Variants in NAV1 observed in about 807,000 individuals in gnomAD.
NAV1 encodes neuron navigator 1.
In NAV1, 18 loss-of-function variants were observed where a neutral mutation model predicts 175.2. The ratio of observed to expected loss-of-function variants is 0.10; its 90% CI spans 0.07 to 0.15. NAV1 has a LOEUF of 0.15. Among genes scored for constraint, NAV1 ranks in the 10% least tolerant of loss-of-function variants. The pLI is 1.00. For missense variants in NAV1, 1,731 were observed against 2,436.6 expected (o/e 0.71, Z 6.10); for synonymous variants, 897 against 978.7 (o/e 0.92, Z 1.56).
intron 2 of NAV1, among the ~76,000 whole-genome samples, chr1:201,591,794 A>AGAAAGC (rs1200031175): frequency 6.6e-6 from 1 of 152,112 alleles, no homozygotes; most frequent in Non-Finnish European, 1.5e-5. Context: ...TGGGAAGGTG[A>AGAAAGC]GAAAGCTGAA....
chr1:201,603,483 T>C (rs1193343742), intron 2 of NAV1, among the ~76,000 whole-genome samples: 1 of 152,228 alleles, frequency 6.6e-6, no homozygotes, highest in African/African-American at 2.4e-5. Flanking sequence ...GTCATGACTT[T>C]GGCAAAATTA....
chr1:201,706,358 T>C (rs755690608), intron 1 of NAV1, among the ~76,000 whole-genome samples: 4 of 152,158 alleles, frequency 2.6e-5, no homozygotes, highest in Middle Eastern at 6.8e-3. Context: ...TGGGACCCAG[T>C]CCCAAACCAT....
Position 201,812,513 on chromosome 1 carries a change from T to C in NAV1, c.5073T>C (p.Val1691=), listed in dbSNP as rs1678756617. The change falls in exon 27 of 30, where the codon GTT becomes GTC. Residue 1691 remains valine (V), a synonymous_variant. Transcript: ENST00000367296. This position sits in a 1 kb window ranked among gnomAD's most constrained non-coding sequence, Gnocchi z 4.6. ...TGGAGCCAGCCAATGGCTTCCTGGT[T>C]CGTTACCTGAGGAGGAAGCTGGTAG... 1.9e-6 allele frequency: 3 copies of C among 1,614,046 alleles called. No homozygotes were observed. The highest frequency in any genetic ancestry group is 2.2e-5 in the East Asian group (1 of 44,896).
At chr1:201,800,534 G>A (rs1677786276) in intron 15 of NAV1, among the ~76,000 whole-genome samples, 1 of 152,130 alleles carries the variant, frequency 6.6e-6, no homozygotes, top group African/African-American at 2.4e-5. Context: ...GAGGAGTTGT[G>A]ACCAAGACCC....
chr1:201,788,343 CCT>C lies in NAV1; in HGVS notation c.2996-121_2996-120del. ...CCGCACCTGCCCCTTCCTCTCCTGC[CCT>C]CTCCCCATTTGCCTCTCATGCTCCC... is the stretch of plus-strand genomic sequence containing the variant. On this transcript the variant is annotated intron_variant, in intron 9 of 29. Transcript: ENST00000367296. This position sits in a 1 kb window ranked among gnomAD's most constrained non-coding sequence, Gnocchi z 5.7. 2.1e-6 allele frequency: 2 copies of C among 967,520 alleles called. No individual in the cohort carries two copies. Among genetic ancestry groups the C allele is most frequent in the Non-Finnish European group, 3.2e-6 (2 of 625,766 alleles). The allele number at this position is 967,520 out of a possible 1,614,324, so 59.9% of individuals were successfully genotyped here.
intron 3 of NAV1, among the ~76,000 whole-genome samples, chr1:201,728,567 CT>C (rs1385465454): frequency 6.8e-6 from 1 of 146,734 alleles, no homozygotes; most frequent in Non-Finnish European, 1.5e-5. Context: ...ACACTCCAGC[CT>C]GGGCAAGAAG....
intron 2 of NAV1, among the ~76,000 whole-genome samples, chr1:201,616,458 AT>A (rs1384773522): frequency 1.3e-5 from 2 of 151,394 alleles, no homozygotes; most frequent in Non-Finnish European, 2.9e-5. Context: ...TGACAACTAA[AT>A]CCCCATGGTA....
intron 2 of NAV1, among the ~76,000 whole-genome samples, chr1:201,611,904 G>T (rs1332827141): frequency 6.6e-6 from 1 of 152,176 alleles, no homozygotes; most frequent in African/African-American, 2.4e-5. Context: ...GTGTGTGTTT[G>T]TGTGTTTAAG....
chr1:201,563,350 T>A (rs73082574), intron 1 of NAV1, among the ~76,000 whole-genome samples: 4,426 of 152,156 alleles, frequency 0.029, 220 homozygotes, highest in African/African-American at 0.1. Context: ...CCAACACGAT[T>A]TTTTTTCTGG....
At chr1:201,697,357 G>C (rs1375334826) in intron 1 of NAV1, among the ~76,000 whole-genome samples, 1 of 152,204 alleles carries the variant, frequency 6.6e-6, no homozygotes, top group Non-Finnish European at 1.5e-5. Flanking sequence ...TTTTGATGGA[G>C]GAGCAGATGC....
Position 201,810,082 on chromosome 1 carries a change from A to G in NAV1, c.4538A>G (p.Asn1513Ser), listed in dbSNP as rs749946735. 1.3e-5 allele frequency: 21 copies of G among 1,613,758 alleles called. No homozygotes were observed. Among genetic ancestry groups the G allele is most frequent in the Middle Eastern group, 1.6e-4 (1 of 6,084 alleles). The change falls in exon 23 of 30, where the codon AAT becomes AGT. Residue 1513 changes from asparagine to serine, a missense_variant. By Grantham distance (46) the Asn-to-Ser change is conservative. Coordinates refer to ENST00000367296, the Ensembl canonical transcript of NAV1. The surrounding 1 kb of genome is among the most constrained non-coding windows in gnomAD (Gnocchi z 6.0). ...ATGCCTCCTTGCCGTCGAGGTGTCA[A>G]TAACATATCAGTCTCCCTCAAAGGT...
intron 1 of NAV1, among the ~76,000 whole-genome samples, chr1:201,689,461 G>C (rs1558068759): frequency 6.6e-6 from 1 of 152,154 alleles, no homozygotes; most frequent in Non-Finnish European, 1.5e-5. Flanking sequence ...CCTTCAATGA[G>C]GTGGAGGATT....
At chr1:201,757,458 C>T (rs1558132479) in intron 3 of NAV1, among the ~76,000 whole-genome samples, 1 of 152,144 alleles carries the variant, frequency 6.6e-6, no homozygotes, top group Admixed American at 6.5e-5. Context: ...GATGAGGTCT[C>T]ACTAAGGCTG....
Position 201,659,369 on chromosome 1 carries a change from A to G in NAV1, c.757+9944A>G, listed in dbSNP as rs139334753. On this transcript the variant is annotated intron_variant, in intron 1 of 29. Coordinates refer to ENST00000367296, the Ensembl canonical transcript of NAV1. ...AGTGGCTCACACCTGTAATCCCAGCACTTTGGGAGGCCGAGGTCGTAGAAT... is the reference window on the plus strand; with the variant it reads ...AGTGGCTCACACCTGTAATCCCAGCGCTTTGGGAGGCCGAGGTCGTAGAAT... 4.9e-3 allele frequency among the ~76,000 whole-genome samples: 743 copies of G among 152,348 alleles called. 15 individuals are homozygous for G. Among genetic ancestry groups the G allele is most frequent in the African/African-American group, 0.017 (718 of 41,576 alleles).
intron 2 of NAV1, among the ~76,000 whole-genome samples, chr1:201,599,113 C>T (rs777249549): frequency 6.6e-6 from 1 of 152,184 alleles, no homozygotes; most frequent in Admixed American, 6.5e-5. Flanking sequence ...AGCCTCCCCA[C>T]TTGGGCTTAG....
intron 2 of NAV1, among the ~76,000 whole-genome samples, chr1:201,635,716 C>T: frequency 6.6e-6 from 1 of 152,200 alleles, no homozygotes; most frequent in Admixed American, 6.5e-5. Flanking sequence ...ATACCCAATA[C>T]CTACCTGTCC....
At chr1:201,546,990 A>T (rs537722299) in intron 1 of NAV1, among the ~76,000 whole-genome samples, 38 of 145,098 alleles carry the variant, frequency 2.6e-4, no homozygotes, top group African/African-American at 7.6e-4. Flanking sequence ...GAACAAGGAC[A>T]TTTTTTTTTT....
intron 3 of NAV1, among the ~76,000 whole-genome samples, chr1:201,719,180 G>T (rs1254922888): frequency 6.6e-6 from 1 of 151,476 alleles, no homozygotes; most frequent in Non-Finnish European, 1.5e-5. Flanking sequence ...AACCAAAAAG[G>T]TTATTAACAT....
At chr1:201,669,455 G>A (rs2102374200) in intron 1 of NAV1, among the ~76,000 whole-genome samples, 1 of 152,328 alleles carries the variant, frequency 6.6e-6, no homozygotes, top group South Asian at 2.1e-4. Context: ...CACCGAGGTG[G>A]CAGTGGTGCA....
Sources: gnomAD v4.1 joint callset for allele counts (sites outside exome capture counted in the v4.1 genomes callset) on GRCh38, gnomAD v4.1.1 for gene constraint, Gnocchi (gnomAD v3.1) non-coding constraint, MANE v1.5 for transcripts, NCBI Gene and HGNC (gene_info 2026-07-23, HGNC 2026-07-21) for gene names.